Variants in NLK observed in about 807,000 individuals in gnomAD.
The protein encoded by NLK is serine/threonine-protein kinase NLK.
Under a neutral mutation model 59.0 loss-of-function variants are expected in NLK, and 11 were observed. The ratio of observed to expected loss-of-function variants is 0.19; its 90% CI spans 0.12 to 0.31. The LOEUF (loss-of-function observed/expected upper bound fraction) is 0.31. Among genes scored for constraint, NLK ranks in the 10% least tolerant of loss-of-function variants. The pLI is 1.00. For missense variants in NLK, 410 were observed against 661.1 expected (o/e 0.62, Z 4.16); for synonymous variants, 235 against 235.9 (o/e 1.00, Z 0.03).
intron 1 of NLK, among the ~76,000 whole-genome samples, chr17:28,102,769 T>G (rs1904947379): frequency 6.6e-6 from 1 of 152,206 alleles, no homozygotes; most frequent in Non-Finnish European, 1.5e-5. Flanking sequence ...TTAGAAAGCC[T>G]AATGAATAAA....
chr17:28,146,407 C>CGAT (rs942764425), intron 3 of NLK, among the ~76,000 whole-genome samples: 13 of 63,442 alleles, frequency 2.0e-4, no homozygotes, highest in African/African-American at 4.1e-4. Context: ...ATGATGATGA[C>CGAT]GATGATGATG....
chr17:28,051,097 A>AG (rs397939139), intron 1 of NLK, among the ~76,000 whole-genome samples: 1 of 151,390 alleles, frequency 6.6e-6, no homozygotes, highest in Non-Finnish European at 1.5e-5. Context: ...AAAAAAAAAA[A>AG]GTCAGAAAAT....
At chr17:28,114,277 A>G (rs933642977) in intron 1 of NLK, among the ~76,000 whole-genome samples, 14 of 152,214 alleles carry the variant, frequency 9.2e-5, no homozygotes, top group Admixed American at 6.5e-5. Flanking sequence ...TCAAATTGCC[A>G]GGTCATAGTG....
At chr17:28,076,794 G>A (rs1910172708) in intron 1 of NLK, among the ~76,000 whole-genome samples, 2 of 152,088 alleles carry the variant, frequency 1.3e-5, no homozygotes, top group South Asian at 4.1e-4. Flanking sequence ...ATTGGTTCAT[G>A]CAGTTTTTTA....
At chr17:28,144,246 G>A (rs567553037) in intron 3 of NLK, among the ~76,000 whole-genome samples, 1 of 152,230 alleles carries the variant, frequency 6.6e-6, no homozygotes, top group East Asian at 1.9e-4. Flanking sequence ...ATGATTTAGT[G>A]TGTAGCAAAT....
At chr17:28,174,837 C>T (rs1044454828) in intron 7 of NLK, among the ~76,000 whole-genome samples, 1 of 152,110 alleles carries the variant, frequency 6.6e-6, no homozygotes, top group African/African-American at 2.4e-5. Flanking sequence ...ACTCCCTGCC[C>T]ACTCACCAAC....
intron 7 of NLK, among the ~76,000 whole-genome samples, chr17:28,177,465 C>T (rs1908729700): frequency 6.6e-6 from 1 of 152,198 alleles, no homozygotes. Flanking sequence ...AGGCTCATAA[C>T]TGAAAAATCT....
intron 1 of NLK, among the ~76,000 whole-genome samples, chr17:28,053,216 A>G (rs1909321736): frequency 6.6e-6 from 1 of 152,254 alleles, no homozygotes; most frequent in African/African-American, 2.4e-5. Context: ...GAATACCAGC[A>G]GTAAATGCCA....
At chr17:28,203,751 G>C in the NLK span, among the ~76,000 whole-genome samples, 1 of 152,142 alleles carries the variant, frequency 6.6e-6, no homozygotes, top group Admixed American at 6.5e-5. Flanking sequence ...TGGCCAGGCT[G>C]GTCTTGAACT....
intron 1 of NLK, among the ~76,000 whole-genome samples, chr17:28,050,334 A>G (rs1028114778): frequency 1.3e-5 from 2 of 152,188 alleles, no homozygotes; most frequent in African/African-American, 4.8e-5. Context: ...TGTGCAGTGC[A>G]GTGGGTGGTA....
intron 1 of NLK, among the ~76,000 whole-genome samples, chr17:28,103,800 T>G (rs1289435233): frequency 1.3e-5 from 2 of 152,362 alleles, no homozygotes; most frequent in East Asian, 1.9e-4. Flanking sequence ...GTTTTAAGAC[T>G]GATAAGTTCT....
intron 7 of NLK, among the ~76,000 whole-genome samples, chr17:28,179,569 A>G (rs946771787): frequency 3.3e-5 from 5 of 152,158 alleles, no homozygotes. Flanking sequence ...TGTCTCTACT[A>G]AAAATACAAA....
rs368988378 is a variant in NLK, at chr17:28,135,265, G to A, written c.644+2590G>A. On this transcript the variant is annotated intron_variant, in intron 3 of 10. Transcript: ENST00000407008. ...AGACCACCCTCAGGCTCAGTGATTC[G>A]CTAGAAGAACTCACAGGACCCAGAA... 1.1e-4 allele frequency among the ~76,000 whole-genome samples: 16 copies of A among 152,230 alleles called. No individual in the cohort carries two copies. The East Asian group carries it at 2.1e-3, about 20-fold the overall frequency.
intron 1 of NLK, chr17:28,061,841 TATATATA>T (rs898447280): frequency 5.9e-4 from 85 of 143,074 alleles, no homozygotes; most frequent in African/African-American, 1.8e-3. Context: ...TACATATACA[TATATATA>T]ATATATAATA....
intron 3 of NLK, among the ~76,000 whole-genome samples, chr17:28,146,448 T>A (rs1204459548): frequency 1.3e-5 from 2 of 152,114 alleles, no homozygotes; most frequent in Admixed American, 1.3e-4. Context: ...CTAAATCGTT[T>A]TCTGTGTGCC....
At chr17:28,172,418 TCCCCCAGA>T in intron 6 of NLK, 91 bp from the exon 7 acceptor site, 2 of 604,010 alleles carry the variant, frequency 3.3e-6, no homozygotes, top group Admixed American at 4.1e-5. Flanking sequence ...TAAGGTTTTT[TCCCCCAGA>T]TTTGGTCCAC....
chr17:28,105,132 C>G (rs1417411658), intron 1 of NLK, among the ~76,000 whole-genome samples: 3 of 152,154 alleles, frequency 2.0e-5, no homozygotes, highest in African/African-American at 7.2e-5. Context: ...ACATGACTGT[C>G]TCTGATTACT....
intron 3 of NLK, among the ~76,000 whole-genome samples, chr17:28,155,277 A>G: frequency 6.6e-6 from 1 of 152,148 alleles, no homozygotes; most frequent in East Asian, 1.9e-4. Context: ...AAGTCAGGAA[A>G]CAACAAATGC....
intron 3 of NLK, among the ~76,000 whole-genome samples, chr17:28,160,812 A>G (rs987056228): frequency 9.8e-5 from 15 of 152,290 alleles, no homozygotes; most frequent in African/African-American, 3.6e-4. Context: ...TTGGATTCAA[A>G]GGACATTCCT....
Sources: allele counts gnomAD v4.1 joint callset (sites outside exome capture counted in the v4.1 genomes callset), GRCh38; gene constraint gnomAD v4.1.1; transcripts MANE v1.5; gene names NCBI Gene and HGNC (gene_info 2026-07-23, HGNC 2026-07-21).